Variants in GALNT17 observed in about 807,000 individuals in gnomAD.
GALNT17 encodes UDP-GalNAc:polypeptide N-acetylgalactosaminyltransferase-like 3.
GALNT17 carries 29 observed loss-of-function variants against 63.7 expected under a neutral mutation model. The observed-to-expected ratio is 0.46, with a 90% CI of 0.34 to 0.62. The LOEUF is 0.62. Ranked by LOEUF, GALNT17 falls within the 20% of genes least tolerant of loss-of-function variation. The probability of loss-of-function intolerance (pLI) is 0.01; values close to 1 mark genes in which losing one functional copy is unlikely to be tolerated. For synonymous variants in GALNT17, 305 were observed against 318.3 expected (o/e 0.96, Z 0.45); for missense variants, 603 against 799.6 (o/e 0.75, Z 2.97).
intron 5 of GALNT17, among the ~76,000 whole-genome samples, chr7:71,520,703 C>G (rs959897499): frequency 1.3e-5 from 2 of 152,036 alleles, no homozygotes; most frequent in African/African-American, 4.8e-5. Flanking sequence ...TCCCGGCAAA[C>G]TCTTTATTCT....
At chr7:71,289,897 A>G (rs1420310713) in intron 1 of GALNT17, among the ~76,000 whole-genome samples, 49 of 150,186 alleles carry the variant, frequency 3.3e-4, no homozygotes, top group Non-Finnish European at 5.5e-4. Flanking sequence ...AAAAAAAAAA[A>G]AGCCAGATGT....
At chr7:71,696,901 T>C (rs1185825224) in intron 9 of GALNT17, among the ~76,000 whole-genome samples, 1 of 152,052 alleles carries the variant, frequency 6.6e-6, no homozygotes, top group Non-Finnish European at 1.5e-5. Context: ...CTGCTAAAAA[T>C]AACACTAAGA....
intron 1 of GALNT17, among the ~76,000 whole-genome samples, chr7:71,290,609 G>A (rs1291159033): frequency 3.9e-5 from 6 of 152,288 alleles, no homozygotes; most frequent in Admixed American, 3.3e-4. Flanking sequence ...AGGGAGCCAA[G>A]GTCCTGGGTG....
At chr7:71,300,467 G>A (rs1326904459) in intron 1 of GALNT17, 3 of 455,862 alleles carry the variant, frequency 6.6e-6, no homozygotes, top group Non-Finnish European at 1.3e-5. Context: ...ACTGACTGGG[G>A]GATGTTCATG....
chr7:71,491,210 A>G (rs1788001449), intron 5 of GALNT17, among the ~76,000 whole-genome samples: 1 of 152,122 alleles, frequency 6.6e-6, no homozygotes, highest in African/African-American at 2.4e-5. Context: ...AAAACAAAAA[A>G]AAGAAAAGAA....
intron 5 of GALNT17, among the ~76,000 whole-genome samples, chr7:71,557,141 C>T (rs560044210): frequency 6.6e-6 from 1 of 151,886 alleles, no homozygotes; most frequent in South Asian, 2.1e-4. Context: ...GTCCTTCTAC[C>T]TCAGCCTCCC....
At position 71,711,933 on chromosome 7, in the gene GALNT17, T is replaced by C. The variant is rs777669895; in HGVS notation, c.1669-85T>C. ...TCTCTTTGTCATTTTCTCTCTCCTG[T>C]CTCTCTTTCTCCTCTCTCTATATCT... On this transcript the variant is annotated intron_variant, in intron 10 of 10. Coordinates refer to ENST00000333538, the MANE Select transcript of GALNT17 (RefSeq NM_022479.3). The C allele has an allele frequency of 5.6e-4, 803 of 1,434,826 alleles. 3 individuals carry two copies. The highest frequency in any genetic ancestry group is 7.6e-4 in the Non-Finnish European group (786 of 1,035,604). 88.9% of individuals were successfully genotyped at this position (1,434,826 alleles called of 1,614,324 possible).
At chr7:71,693,253 C>T (rs1186590152) in intron 9 of GALNT17, among the ~76,000 whole-genome samples, 3 of 92,678 alleles carry the variant, frequency 3.2e-5, no homozygotes, top group Admixed American at 1.2e-4. Context: ...TATATATACA[C>T]ACACACACAT....
intron 5 of GALNT17, among the ~76,000 whole-genome samples, chr7:71,508,393 G>A (rs1403487577): frequency 6.6e-6 from 1 of 152,154 alleles, no homozygotes; most frequent in East Asian, 1.9e-4. Flanking sequence ...AAGATTTGTG[G>A]TCTTGTGTTT....
At chr7:71,281,833 A>G (rs2115757744) in intron 1 of GALNT17, among the ~76,000 whole-genome samples, 2 of 152,286 alleles carry the variant, frequency 1.3e-5, no homozygotes, top group South Asian at 4.1e-4. Flanking sequence ...TTTCTACTTG[A>G]TGTTTTGAAA....
chr7:71,347,334 A>G (rs560633365), intron 2 of GALNT17, among the ~76,000 whole-genome samples: 1 of 152,158 alleles, frequency 6.6e-6, no homozygotes. Flanking sequence ...TCTGTGCCTC[A>G]GTTTCCTCAT....
chr7:71,137,940 C>G (rs1372834123), intron 1 of GALNT17, among the ~76,000 whole-genome samples: 1 of 152,162 alleles, frequency 6.6e-6, no homozygotes, highest in Non-Finnish European at 1.5e-5. Flanking sequence ...CTGCTCTTGA[C>G]CAGAAGGCTT....
intron 5 of GALNT17, among the ~76,000 whole-genome samples, chr7:71,546,870 T>C (rs886702454): frequency 6.6e-6 from 1 of 152,182 alleles, no homozygotes; most frequent in South Asian, 2.1e-4. Context: ...GCCATTAGCC[T>C]CCTCTCAGAA....
intron 5 of GALNT17, among the ~76,000 whole-genome samples, chr7:71,520,525 A>G (rs1788514091): frequency 6.6e-6 from 1 of 152,102 alleles, no homozygotes; most frequent in South Asian, 2.1e-4. Flanking sequence ...TCCGTCTCAA[A>G]AAAAAAAGAA....
At chr7:71,388,747 G>A (rs545428050) in intron 3 of GALNT17, among the ~76,000 whole-genome samples, 2 of 152,056 alleles carry the variant, frequency 1.3e-5, no homozygotes, top group South Asian at 2.1e-4. Context: ...GGCTAGTCTC[G>A]AACTCCTGAA....
chr7:71,160,659 A>G (rs918616522), intron 1 of GALNT17, among the ~76,000 whole-genome samples: 1 of 151,844 alleles, frequency 6.6e-6, no homozygotes, highest in Non-Finnish European at 1.5e-5. Context: ...GGGTTTTTCC[A>G]TGTTGGTCAG....
rs73354167 is a variant in GALNT17, at chr7:71,687,947, C to T, written c.1500+10641C>T. Among the ~76,000 whole-genome samples the T allele has an allele frequency of 2.6e-5, 4 of 152,070 alleles. No individual in the cohort carries two copies. The South Asian group carries it at 6.2e-4, about 24-fold the overall frequency. ...TCCTAGGCTCGAGTGATTCTCCCCC[C>T]TCAGCCTCCCAAAGTGCTGGGATTA... On this transcript the variant is annotated intron_variant, in intron 9 of 10. Coordinates refer to ENST00000333538, the MANE Select transcript of GALNT17 (RefSeq NM_022479.3).
intron 6 of GALNT17, among the ~76,000 whole-genome samples, chr7:71,575,037 ACG>A (rs1300600030): frequency 6.6e-6 from 1 of 152,154 alleles, no homozygotes; most frequent in Non-Finnish European, 1.5e-5. Flanking sequence ...AACTTCATGT[ACG>A]GGTGTCTCGA....
At chr7:71,699,971 A>G (rs1791605811) in intron 9 of GALNT17, among the ~76,000 whole-genome samples, 1 of 152,018 alleles carries the variant, frequency 6.6e-6, no homozygotes, top group Non-Finnish European at 1.5e-5. Flanking sequence ...GTGTATGATG[A>G]TAAAATATTC....
Sources: gnomAD v4.1 joint callset for allele counts (sites outside exome capture counted in the v4.1 genomes callset) on GRCh38, gnomAD v4.1.1 for gene constraint, MANE v1.5 for transcripts, NCBI Gene and HGNC (gene_info 2026-07-23, HGNC 2026-07-21) for gene names.